Variants in AGBL1 observed in about 807,000 individuals in gnomAD.
The protein encoded by AGBL1 is cytosolic carboxypeptidase 4.
In AGBL1, 130 loss-of-function variants were observed where a neutral mutation model predicts 118.9. The observed-to-expected ratio is 1.09, with a 90% CI of 0.95 to 1.26. The LOEUF (loss-of-function observed/expected upper bound fraction) is 1.26. Among genes scored for constraint, AGBL1 ranks in the 50% most tolerant of loss-of-function variants. The pLI is 0.00. For synonymous variants in AGBL1, 555 were observed against 478.9 expected (o/e 1.16, Z -2.08); for missense variants, 1,584 against 1,298.1 (o/e 1.22, Z -3.38).
intron 17 of AGBL1, among the ~76,000 whole-genome samples, chr15:86,311,897 A>G (rs1032773207): frequency 1.6e-4 from 24 of 152,242 alleles, no homozygotes; most frequent in Non-Finnish European, 2.6e-4. Context: ...TGTAACTTAC[A>G]GGGCGGGTGT....
rs1567119188 is a variant in AGBL1 at position 86,196,881 on chromosome 15, A to ACG, written c.489-28032_489-28031insGC. On this transcript the variant is annotated intron_variant, in intron 5 of 22. Coordinates refer to ENST00000614907, the MANE Select transcript of AGBL1 (RefSeq NM_001386094.1). ...AATGTGCACATGTGCGCGCGCGCGC[A>ACG]CACACACACACACACACACACACAC... Among the ~76,000 whole-genome samples, 30 of 59,794 alleles carry ACG rather than the reference A, an allele frequency of 5.0e-4. No individual in the cohort carries two copies. In the East Asian group the frequency reaches 6.0e-3, roughly 12 times the overall value. The allele number at this position is 59,794 out of a possible 152,430, so 39.2% of individuals were successfully genotyped here. A position where few individuals can be genotyped will look rare whatever the true frequency, so the allele number is the denominator to read the frequency against.
chr15:86,355,113 G>A (rs2141908467), intron 17 of AGBL1, among the ~76,000 whole-genome samples: 1 of 152,258 alleles, frequency 6.6e-6, no homozygotes, highest in South Asian at 2.1e-4. Flanking sequence ...CTTTTTGCTT[G>A]GTAAAACCTA....
Position 86,546,024 on chromosome 15 carries a change from A to T in AGBL1, c.2708A>T (p.His903Leu), listed in dbSNP as rs1406842603. The change falls in exon 20 of 23, where the codon CAC (histidine) becomes CTC (leucine). Residue 903 changes from histidine to leucine, a missense_variant. Physicochemically the swap from His to Leu is moderately conservative, Grantham distance 99. Transcript: ENST00000614907. The part of the protein sequence containing the change: ...SPVVFCDFHG[H>L]SQKKNVFLYG... Reference sequence around the variant, plus strand: ...TAGGTTTTCTGTGACTTCCATGGCCACTCCCAAAAGAAGAATGTGTTCCTT... The same window carrying T: ...TAGGTTTTCTGTGACTTCCATGGCCTCTCCCAAAAGAAGAATGTGTTCCTT... 1 of 1,612,998 alleles carries T rather than the reference A, an allele frequency of 6.2e-7. No homozygotes were observed. The highest frequency in any genetic ancestry group is 1.7e-5 in the Admixed American group (1 of 59,886).
intron 21 of AGBL1, among the ~76,000 whole-genome samples, chr15:86,669,209 CT>C (rs1682610816): frequency 6.6e-6 from 1 of 152,092 alleles, no homozygotes; most frequent in South Asian, 2.1e-4. Flanking sequence ...CCCAGAAACA[CT>C]GCATATGCAG....
chr15:86,499,698 C>G (rs76359901), intron 18 of AGBL1, among the ~76,000 whole-genome samples: 101 of 151,860 alleles, frequency 6.7e-4, no homozygotes, highest in African/African-American at 2.4e-3. Flanking sequence ...ATGGATTCAG[C>G]TAGTAGGAGG....
At chr15:86,245,302 C>T (rs2078702313) in intron 6 of AGBL1, among the ~76,000 whole-genome samples, 1 of 152,174 alleles carries the variant, frequency 6.6e-6, no homozygotes, top group African/African-American at 2.4e-5. Flanking sequence ...TGAAATTTTG[C>T]TTATCTGATT....
intron 18 of AGBL1, among the ~76,000 whole-genome samples, chr15:86,518,527 A>C (rs2083149363): frequency 6.6e-6 from 1 of 151,964 alleles, no homozygotes; most frequent in African/African-American, 2.4e-5. Flanking sequence ...AAATGACCAT[A>C]TTTTCTGGAG....
chr15:86,922,613 A>G (rs2080492243), intron 23 of AGBL1, among the ~76,000 whole-genome samples: 1 of 152,242 alleles, frequency 6.6e-6, no homozygotes, highest in African/African-American at 2.4e-5. Context: ...AAAAAACTAA[A>G]CAGAAGGTAG....
chr15:86,862,940 A>C (rs180905633), intron 22 of AGBL1, among the ~76,000 whole-genome samples: 1 of 152,322 alleles, frequency 6.6e-6, no homozygotes, highest in African/African-American at 2.4e-5. Flanking sequence ...AGCTAGAAAC[A>C]CAGGTACTTG....
chr15:86,358,674 C>T (rs1187838713), intron 17 of AGBL1, among the ~76,000 whole-genome samples: 1 of 152,004 alleles, frequency 6.6e-6, no homozygotes, highest in East Asian at 1.9e-4. Context: ...CTTTTCTCCA[C>T]ATCCTTGCTA....
At chr15:86,157,768 C>T (rs571183464) in intron 4 of AGBL1, among the ~76,000 whole-genome samples, 1 of 152,160 alleles carries the variant, frequency 6.6e-6, no homozygotes, top group Non-Finnish European at 1.5e-5. Context: ...TTGGCTGGAA[C>T]CCTAATGGGT....
chr15:86,600,271 C>T (rs1027791057), intron 21 of AGBL1, among the ~76,000 whole-genome samples: 4 of 152,118 alleles, frequency 2.6e-5, no homozygotes, highest in African/African-American at 9.7e-5. Context: ...AAAGTGATTA[C>T]ATTGACATGG....
intron 22 of AGBL1, among the ~76,000 whole-genome samples, chr15:86,702,125 C>G (rs1416743444): frequency 6.6e-6 from 1 of 151,908 alleles, no homozygotes; most frequent in Non-Finnish European, 1.5e-5. Context: ...TCATATTAAA[C>G]AAATGTAAAT....
chr15:86,728,062 C>A (rs931986557), intron 22 of AGBL1, among the ~76,000 whole-genome samples: 2 of 152,152 alleles, frequency 1.3e-5, no homozygotes, highest in Non-Finnish European at 2.9e-5. Context: ...GTACAATGAA[C>A]CTATACAAAA....
chr15:86,191,911 AAAAAAACAAAAAAAACC>A (rs1175990681), intron 5 of AGBL1, among the ~76,000 whole-genome samples: 1 of 148,496 alleles, frequency 6.7e-6, no homozygotes, highest in African/African-American at 2.6e-5. Context: ...TCTTAAAAAA[AAAAAAACAAAAAAAACC>A]AAAAAACACA....
intron 21 of AGBL1, among the ~76,000 whole-genome samples, chr15:86,564,102 T>C (rs2083874550): frequency 1.3e-5 from 2 of 152,218 alleles, no homozygotes. Context: ...AGTCTGTGTC[T>C]TTTAATTGGA....
intron 18 of AGBL1, among the ~76,000 whole-genome samples, chr15:86,515,584 T>A (rs1277061784): frequency 3.3e-5 from 5 of 152,176 alleles, no homozygotes; most frequent in Non-Finnish European, 5.9e-5. Flanking sequence ...GAATTTAAAA[T>A]TTCAGATTTT....
chr15:86,559,250 T>C (rs1008330729), intron 21 of AGBL1, among the ~76,000 whole-genome samples: 8 of 152,114 alleles, frequency 5.3e-5, no homozygotes, highest in African/African-American at 1.9e-4. Context: ...CCAAATAAGC[T>C]CATATTCTGA....
At chr15:86,687,864 A>G (rs974202250) in intron 22 of AGBL1, among the ~76,000 whole-genome samples, 4 of 152,124 alleles carry the variant, frequency 2.6e-5, no homozygotes, top group African/African-American at 9.7e-5. Context: ...TGAGAGACCC[A>G]TACACACTGG....
Sources: gnomAD v4.1 joint callset for allele counts (sites outside exome capture counted in the v4.1 genomes callset) on GRCh38, gnomAD v4.1.1 for gene constraint, MANE v1.5 for transcripts, NCBI Gene and HGNC (gene_info 2026-07-23, HGNC 2026-07-21) for gene names.